Variants in LRCH1 observed in about 807,000 individuals in gnomAD.
LRCH1 encodes leucine rich repeats and calponin homology domain containing 1, also known as leucine-rich repeat and calponin homology domain-containing protein 1.
In LRCH1, 23 loss-of-function variants were observed where a neutral mutation model predicts 94.9. The observed-to-expected ratio is 0.24, with a 90% confidence interval of 0.17 to 0.34. The LOEUF is 0.34. Ranked by LOEUF, LRCH1 falls within the 10% of genes least tolerant of loss-of-function variation. The pLI is 1.00. For synonymous variants in LRCH1, 364 were observed against 354.9 expected, an observed-to-expected ratio of 1.03 and a Z score of -0.29; for missense variants, 790 against 945.9, an observed-to-expected ratio of 0.84 and a Z score of 2.16.
At chr13:46,558,572 CAAA>C (rs575874794) in intron 1 of LRCH1, among the ~76,000 whole-genome samples, 53 of 34,392 alleles carry the variant, frequency 1.5e-3, no homozygotes, top group Admixed American at 2.8e-3. Flanking sequence ...CCTGTGTCTA[CAAA>C]AAAAAAAAAA....
At chr13:46,613,404 A>G (rs1246055857) in intron 1 of LRCH1, among the ~76,000 whole-genome samples, 4 of 151,936 alleles carry the variant, frequency 2.6e-5, no homozygotes, top group Non-Finnish European at 4.4e-5. Flanking sequence ...AAAAAGAAAA[A>G]AAGATTTTCT....
At chr13:46,711,898 G>T in intron 14 of LRCH1, 54 bp downstream of exon 14, 1 of 1,316,448 alleles carries the variant, frequency 7.6e-7, no homozygotes, top group East Asian at 2.3e-5. Context: ...GGCTGGATTG[G>T]AATATCTTTT....
intron 1 of LRCH1, among the ~76,000 whole-genome samples, chr13:46,613,853 C>T (rs1470293858): frequency 6.6e-6 from 1 of 152,190 alleles, no homozygotes; most frequent in Non-Finnish European, 1.5e-5. Flanking sequence ...TTGAAGTGGC[C>T]TGATCCAAAC....
At chr13:46,723,160 T>C in intron 16 of LRCH1, 61 bp from the exon 17 acceptor site, 1 of 812,042 alleles carries the variant, frequency 1.2e-6, no homozygotes, top group East Asian at 2.6e-5. Flanking sequence ...TTGATTTTAA[T>C]ATGAATAGCC....
intron 1 of LRCH1, among the ~76,000 whole-genome samples, chr13:46,573,878 T>TC (rs2050272007): frequency 1.6e-5 from 1 of 62,744 alleles, no homozygotes; most frequent in African/African-American, 4.2e-5. Flanking sequence ...TTTTTTTTTT[T>TC]TTGAGATGGA....
intron 11 of LRCH1, among the ~76,000 whole-genome samples, chr13:46,703,356 A>T (rs897925408): frequency 2.6e-5 from 4 of 152,184 alleles, no homozygotes; most frequent in African/African-American, 9.6e-5. Context: ...TCTGCATCCC[A>T]TTTCTTCATC....
At chr13:46,649,238 T>G (rs2051261288) in intron 1 of LRCH1, among the ~76,000 whole-genome samples, 1 of 152,230 alleles carries the variant, frequency 6.6e-6, no homozygotes, top group South Asian at 2.1e-4. Context: ...TGTTACATAT[T>G]ATTTACTGAA....
At chr13:46,680,188 T>C (rs1281540214) in intron 3 of LRCH1, 1 of 152,238 alleles carries the variant, frequency 6.6e-6, no homozygotes, top group Non-Finnish European at 1.5e-5. Context: ...GGTATGTATG[T>C]TGGAGCATCC....
chr13:46,728,233 C>T (rs750751091), intron 17 of LRCH1, among the ~76,000 whole-genome samples: 16 of 150,796 alleles, frequency 1.1e-4, no homozygotes, highest in Non-Finnish European at 2.2e-4. Context: ...GAAAGCATTT[C>T]CTTTTTTTTT....
intron 16 of LRCH1, 130 bp from the exon 17 acceptor site, chr13:46,723,091 G>A: frequency 1.9e-6 from 1 of 537,646 alleles, no homozygotes; most frequent in South Asian, 3.2e-5. Context: ...TTGTGGATTT[G>A]GAATTTCTTT....
intron 2 of LRCH1, 22 bp from the exon 3 acceptor site, chr13:46,669,008 T>C: frequency 6.2e-7 from 1 of 1,613,640 alleles, no homozygotes; most frequent in Non-Finnish European, 8.5e-7. Context: ...TTACATGTGT[T>C]CTTGTTGTAT....
chr13:46,631,462 T>A (rs979174330), intron 1 of LRCH1, among the ~76,000 whole-genome samples: 17 of 152,254 alleles, frequency 1.1e-4, no homozygotes, highest in African/African-American at 4.1e-4. Flanking sequence ...GGCAGGTCTA[T>A]AAAATAGCAC....
chr13:46,561,902 C>G (rs117390218), intron 1 of LRCH1, among the ~76,000 whole-genome samples: 703 of 152,294 alleles, frequency 4.6e-3, no homozygotes, highest in Non-Finnish European at 7.0e-3. Context: ...GACCTTAAGC[C>G]ATCTTTGCAT....
intron 1 of LRCH1, among the ~76,000 whole-genome samples, chr13:46,576,359 G>C (rs1376486099): frequency 6.6e-6 from 1 of 152,160 alleles, no homozygotes; most frequent in African/African-American, 2.4e-5. Flanking sequence ...AAACTTGTTA[G>C]AATTCCCAAG....
chr13:46,618,797 C>G (rs1038282925), intron 1 of LRCH1, among the ~76,000 whole-genome samples: 8 of 152,096 alleles, frequency 5.3e-5, no homozygotes, highest in African/African-American at 1.9e-4. Context: ...ACTCAGGTTT[C>G]CTTTTTGAGT....
intron 1 of LRCH1, among the ~76,000 whole-genome samples, chr13:46,577,401 A>C (rs1479621178): frequency 6.6e-6 from 1 of 152,166 alleles, no homozygotes; most frequent in Non-Finnish European, 1.5e-5. Context: ...CCTGGCCCCC[A>C]GTTCTTCTTT....
intron 14 of LRCH1, 119 bp from the exon 15 acceptor site, chr13:46,712,406 C>T (rs1555286414): frequency 4.1e-6 from 3 of 739,150 alleles, no homozygotes; most frequent in East Asian, 5.0e-5. Context: ...CTTCATCACA[C>T]AGCAGCGAAT....
intron 9 of LRCH1, among the ~76,000 whole-genome samples, chr13:46,696,174 G>A (rs569075928): frequency 6.7e-5 from 10 of 149,522 alleles, no homozygotes; most frequent in Admixed American, 1.3e-4. Context: ...TGCTGCACCC[G>A]CGTGCATGCA....
intron 2 of LRCH1, among the ~76,000 whole-genome samples, chr13:46,666,351 C>G (rs2051515744): frequency 6.6e-6 from 1 of 152,312 alleles, no homozygotes; most frequent in South Asian, 2.1e-4. Flanking sequence ...CATGTAATCT[C>G]AAATACTCAC....
Sources: allele counts gnomAD v4.1 joint callset (sites outside exome capture counted in the v4.1 genomes callset), GRCh38; gene constraint gnomAD v4.1.1; transcripts MANE v1.5; gene names NCBI Gene and HGNC (gene_info 2026-07-23, HGNC 2026-07-21).